The following WFIKKN1 variants were observed in gnomAD, a reference collection of about 807,000 sequenced individuals.
The protein encoded by WFIKKN1 is WAP, follistatin/kazal, immunoglobulin, kunitz and netrin domain containing 1.
In WFIKKN1, 6 loss-of-function variants were observed where a neutral mutation model predicts 4.6. The ratio of observed to expected loss-of-function variants is 1.31; its 90% CI spans 0.72 to 2.59. WFIKKN1 has a LOEUF of 2.59. Among genes scored for constraint, WFIKKN1 ranks in the 30% most tolerant of loss-of-function variants. WFIKKN1 has a pLI of 0.00. For synonymous variants in WFIKKN1, 468 were observed against 367.4 expected (o/e 1.27, Z -3.13); for missense variants, 964 against 818.0 (o/e 1.18, Z -2.18).
Position 632,891 on chromosome 16 carries a change from C to T in WFIKKN1, c.481C>T (p.Leu161Phe). Residue 161 changes from leucine (L) to phenylalanine (F), a missense_variant, in exon 2 of 2, where the codon CTC (leucine) becomes TTC (phenylalanine). Coordinates refer to ENST00000319070, the MANE Select transcript of WFIKKN1 (RefSeq NM_053284.3). ...HLHIVPCKHV[L>F]SWPPSSPGPP... ...CCACATCGTGCCCTGCAAGCACGTG[C>T]TCAGCTGGCCGCCCAGCAGCCCGGG... 3 of 1,570,336 alleles carry T rather than the reference C, an allele frequency of 1.9e-6. No individual in the cohort carries two copies. Among genetic ancestry groups the T allele is most frequent in the Non-Finnish European group, 2.6e-6 (3 of 1,158,424 alleles).
intron 1 of WFIKKN1, chr16:631,625 C>A: frequency 2.1e-6 from 1 of 467,050 alleles, no homozygotes; most frequent in Non-Finnish European, 3.2e-6. Flanking sequence ...CTTTCATGCT[C>A]CCCATGTGCC....
In WFIKKN1 at chr16:633,225, T is replaced by A; in HGVS notation, c.815T>A (p.Leu272Gln). The change falls in exon 2 of 2, where the codon CTG (leucine) becomes CAG (glutamine). Residue 272 changes from leucine to glutamine, a missense_variant. By Grantham distance (113) the Leu-to-Gln change is moderately radical. Transcript: ENST00000319070. ...ACCGCGCGCAACGCTGCTGGGCTGC[T>A]GCGGGCTGACTTCCCACTCTCTGTG... ...TCTARNAAGL[L>Q]RADFPLSVVQ... The A allele has an allele frequency of 1.3e-6, 2 of 1,586,952 alleles. No homozygotes were observed. The highest frequency in any genetic ancestry group is 1.7e-6 in the Non-Finnish European group (2 of 1,167,356).
Position 633,814 on chromosome 16 carries a change from G to T in WFIKKN1, c.1404G>T (p.Met468Ile), listed in dbSNP as rs772300719. The T allele has an allele frequency of 3.1e-6, 5 of 1,603,258 alleles. No homozygotes were observed. The Admixed American group carries it at 6.8e-5, about 22-fold the overall frequency. The part of the protein sequence containing the change: ...ALEDVLKDDK[M>I]GLKFLGTKYL... Reference sequence around the variant, plus strand: ...AGGACGTGCTCAAGGATGACAAGATGGGCCTCAAGTTCTTGGGCACCAAGT... The same window carrying T: ...AGGACGTGCTCAAGGATGACAAGATTGGCCTCAAGTTCTTGGGCACCAAGT... The change falls in exon 2 of 2, where the codon ATG becomes ATT. Residue 468 changes from methionine (M) to isoleucine (I), a missense_variant. Coordinates refer to ENST00000319070, the MANE Select transcript of WFIKKN1 (RefSeq NM_053284.3).
Position 633,876 on chromosome 16 carries a change from G to T in WFIKKN1, c.1466G>T (p.Cys489Phe). The change falls in exon 2 of 2, where the codon TGC becomes TTC. Residue 489 changes from cysteine to phenylalanine, a missense_variant. By Grantham distance (205) the Cys-to-Phe change is radical (BLOSUM62 -2). Coordinates refer to ENST00000319070, the MANE Select transcript of WFIKKN1 (RefSeq NM_053284.3). ...EVTLSGMDWA[C>F]PCPNMTAGDG... ...ACGCTGAGTGGCATGGACTGGGCCT[G>T]CCCCTGCCCCAACATGACGGCGGGC... The T allele has an allele frequency of 6.3e-7, 1 of 1,595,496 alleles. No homozygotes were observed. The highest frequency in any genetic ancestry group is 8.5e-7 in the Non-Finnish European group (1 of 1,171,878).
In WFIKKN1 at chr16:633,745, G is replaced by A. The variant is rs2036988164; in HGVS notation, c.1335G>A (p.Leu445=). The A allele has an allele frequency of 6.3e-7, 1 of 1,591,478 alleles. No homozygotes were observed. Among genetic ancestry groups the A allele is most frequent in the Non-Finnish European group, 8.5e-7 (1 of 1,169,710 alleles). The change falls in exon 2 of 2, where the codon CTG becomes CTA. Residue 445 remains leucine, a synonymous_variant. Transcript: ENST00000319070. ...FAIVGRLTEV[L]EEPEAAGGIA... is the part of the protein sequence containing the mutation. Reference sequence around the variant, plus strand: ...TCGTGGGGCGGCTCACGGAGGTGCTGGAGGAGCCCGAGGCCGCCGGCGGCA... The same window carrying A: ...TCGTGGGGCGGCTCACGGAGGTGCTAGAGGAGCCCGAGGCCGCCGGCGGCA...
rs867006796 is a variant in WFIKKN1 at position 631,128 on chromosome 16, C to G, written c.-126C>G. On this transcript the variant is annotated 5_prime_UTR_variant, in exon 1 of 2. Transcript: ENST00000319070. ...TTCAGCCTCAGGGGCAAAAGGGAGC[C>G]CCGGGGTCCTGGTGGGGGCACCGAC... 1 of 1,143,044 alleles carries G rather than the reference C, an allele frequency of 8.7e-7. No homozygotes were observed. The highest frequency in any genetic ancestry group is 2.8e-5 in the East Asian group (1 of 35,982). 70.8% of individuals were successfully genotyped at this position (1,143,044 alleles called of 1,614,324 possible). A position where few individuals can be genotyped will look rare whatever the true frequency, so the allele number is the denominator to read the frequency against.
Position 633,898 on chromosome 16 carries a change from G to A in WFIKKN1, c.1488G>A (p.Ala496=), listed in dbSNP as rs749068731. Residue 496 remains alanine, a synonymous_variant, in exon 2 of 2, where the codon GCG becomes GCA. Coordinates refer to ENST00000319070, the MANE Select transcript of WFIKKN1 (RefSeq NM_053284.3). ...DWACPCPNMT[A]GDGPLVIMGE... is the part of the protein sequence containing the mutation. Reference sequence around the variant, plus strand: ...CCTGCCCCTGCCCCAACATGACGGCGGGCGACGGGCCGCTGGTCATCATGG... The same window carrying A: ...CCTGCCCCTGCCCCAACATGACGGCAGGCGACGGGCCGCTGGTCATCATGG... The A allele has an allele frequency of 6.3e-6, 10 of 1,593,444 alleles. No individual in the cohort carries two copies. In the East Asian group the frequency reaches 9.2e-5, roughly 15 times the overall value.
chr16:633,217 T>G lies in WFIKKN1; in HGVS notation c.807T>G (p.Ala269=). The change falls in exon 2 of 2, where the codon GCT becomes GCG. Residue 269 remains alanine (A), a synonymous_variant. Coordinates refer to ENST00000319070, the MANE Select transcript of WFIKKN1 (RefSeq NM_053284.3). The part of the protein sequence containing the change: ...GLYTCTARNA[A]GLLRADFPLS... ...ACACCTGCACCGCGCGCAACGCTGC[T>G]GGGCTGCTGCGGGCTGACTTCCCAC... 1.3e-6 allele frequency: 2 copies of G among 1,589,020 alleles called. No individual in the cohort carries two copies. The highest frequency in any genetic ancestry group is 4.6e-5 in the East Asian group (2 of 43,518).
chr16:633,728 C>T lies in WFIKKN1; in HGVS notation c.1318C>T (p.Arg440Trp), dbSNP rs747716027. 5.0e-6 allele frequency: 8 copies of T among 1,587,616 alleles called. No individual in the cohort carries two copies. In the East Asian group the frequency reaches 1.6e-4, roughly 32 times the overall value. The change falls in exon 2 of 2, where the codon CGG becomes TGG. Residue 440 changes from arginine (R) to tryptophan (W), a missense_variant. Transcript: ENST00000319070. The stretch of plus-strand genomic sequence containing the variant: ...CCGCAGCGACTTCGCCATCGTGGGG[C>T]GGCTCACGGAGGTGCTGGAGGAGCC... Reference protein sequence around the residue: ...LCRSDFAIVGRLTEVLEEPEA... With the variant: ...LCRSDFAIVGWLTEVLEEPEA...
chr16:631,379 G>T lies in WFIKKN1; in HGVS notation c.126G>T (p.Trp42Cys). ...VCPNQLSPNL[W>C]VDAQSTCERE... ...CCAACCAGCTCAGCCCCAACCTGTG[G>T]GTGGACGCCCAGAGCACCTGTGAGC... The change falls in exon 1 of 2, where the codon TGG (tryptophan) becomes TGT (cysteine). Residue 42 changes from tryptophan (W) to cysteine (C), a missense_variant. Coordinates refer to ENST00000319070, the MANE Select transcript of WFIKKN1 (RefSeq NM_053284.3). 6.2e-7 allele frequency: 1 copy of T among 1,609,336 alleles called. No individual in the cohort carries two copies. The highest frequency in any genetic ancestry group is 2.2e-5 in the East Asian group (1 of 44,796).
At position 633,516 on chromosome 16, in the gene WFIKKN1, G is replaced by A. The variant is rs1040764831; in HGVS notation, c.1106G>A (p.Arg369Gln). ...CVLPAVQGPCRGWEPRWAYSP... is the reference protein window; with the variant it reads ...CVLPAVQGPCQGWEPRWAYSP... ...CTGCCTGCCGTGCAGGGCCCCTGCC[G>A]GGGCTGGGAGCCGCGCTGGGCCTAC... The change falls in exon 2 of 2, where the codon CGG (arginine) becomes CAG (glutamine). Residue 369 changes from arginine (R) to glutamine (Q), a missense_variant. By Grantham distance (43) the Arg-to-Gln change is conservative. Transcript: ENST00000319070. 2.0e-6 allele frequency: 3 copies of A among 1,506,804 alleles called. No homozygotes were observed. The highest frequency in any genetic ancestry group is 2.6e-6 in the Non-Finnish European group (3 of 1,137,866). 93.3% of individuals were successfully genotyped at this position (1,506,804 alleles called of 1,614,324 possible).
Position 633,824 on chromosome 16 carries a change from T to G in WFIKKN1, c.1414T>G (p.Phe472Val). 6.2e-7 allele frequency: 1 copy of G among 1,603,020 alleles called. No homozygotes were observed. Among genetic ancestry groups the G allele is most frequent in the Non-Finnish European group, 8.5e-7 (1 of 1,175,314 alleles). Reference protein sequence around the residue: ...VLKDDKMGLKFLGTKYLEVTL... With the variant: ...VLKDDKMGLKVLGTKYLEVTL... ...CAAGGATGACAAGATGGGCCTCAAG[T>G]TCTTGGGCACCAAGTACCTGGAGGT... The change falls in exon 2 of 2, where the codon TTC (phenylalanine) becomes GTC (valine). Residue 472 changes from phenylalanine to valine, a missense_variant. By Grantham distance (50) the Phe-to-Val change is conservative. Coordinates refer to ENST00000319070, the MANE Select transcript of WFIKKN1 (RefSeq NM_053284.3).
At chr16:632,452 G>A (rs1346870693) in intron 1 of WFIKKN1, 130 bp from the exon 2 acceptor site, 8 of 1,201,802 alleles carry the variant, frequency 6.7e-6, no homozygotes, top group Non-Finnish European at 8.8e-6. Context: ...AGGACACTGA[G>A]TCCCCGGGGA....
rs771102109 is a variant in WFIKKN1 at position 633,290 on chromosome 16, C to G, written c.880C>G (p.Pro294Ala). 6.3e-7 allele frequency: 1 copy of G among 1,586,232 alleles called. No homozygotes were observed. The highest frequency in any genetic ancestry group is 1.7e-5 in the Admixed American group (1 of 57,574). The change falls in exon 2 of 2, where the codon CCA becomes GCA. Residue 294 changes from proline to alanine, a missense_variant. Physicochemically the swap from Pro to Ala is conservative, Grantham distance 27. Transcript: ENST00000319070. Reference protein sequence around the residue: ...EPARDAAPSIPAPAECLPDVQ... With the variant: ...EPARDAAPSIAAPAECLPDVQ... ...GGCCAGGGACGCAGCCCCCAGCATCCCAGCCCCGGCCGAGTGCCTGCCGGA... is the reference window on the plus strand; with the variant it reads ...GGCCAGGGACGCAGCCCCCAGCATCGCAGCCCCGGCCGAGTGCCTGCCGGA...
rs751699283 is a variant in WFIKKN1, at chr16:632,964, C to T, written c.554C>T (p.Pro185Leu). 1 of 1,582,414 alleles carries T rather than the reference C, an allele frequency of 6.3e-7. No homozygotes were observed. The highest frequency in any genetic ancestry group is 8.6e-7 in the Non-Finnish European group (1 of 1,163,100). ...CCCACACCTGGGGCCGCGCCCGTGC[C>T]TCCTGCCCTGTACAGCAGCCCCTCC... ...ARPTPGAAPV[P>L]PALYSSPSPQ... The change falls in exon 2 of 2, where the codon CCT becomes CTT. Residue 185 changes from proline (P) to leucine (L), a missense_variant. Transcript: ENST00000319070.
chr16:632,348 G>A (rs987725933), intron 1 of WFIKKN1: 5 of 478,786 alleles, frequency 1.0e-5, no homozygotes, highest in African/African-American at 8.1e-5. Context: ...TCTGTACAAC[G>A]TAAAGAATAA....
intron 1 of WFIKKN1, chr16:631,669 C>A (rs1160196139): frequency 1.3e-5 from 5 of 376,750 alleles, no homozygotes; most frequent in Non-Finnish European, 2.3e-5. Context: ...TCGGCGACCA[C>A]CCCCACCCCG....
At position 633,117 on chromosome 16, in the gene WFIKKN1, TGTATGGCA is replaced by T. The variant is rs2036974323; in HGVS notation, c.708_715del (p.Met236IlefsTer37). Reference sequence around the variant, plus strand: ...AACCTGATCATGCGCCCTGATCAGATGTATGGCAACGTGGTGGTCACCAGCATCGGGCA... The same window carrying T: ...AACCTGATCATGCGCCCTGATCAGATACGTGGTGGTCACCAGCATCGGGCA... On this transcript the variant is annotated frameshift_variant, in exon 2 of 2. Coordinates refer to ENST00000319070, the MANE Select transcript of WFIKKN1 (RefSeq NM_053284.3). LOFTEE classifies it low-confidence loss of function (END_TRUNC). 2 of 1,609,434 alleles carry T rather than the reference TGTATGGCA, an allele frequency of 1.2e-6. No homozygotes were observed. The highest frequency in any genetic ancestry group is 2.7e-5 in the African/African-American group (2 of 74,850).
intron 1 of WFIKKN1, chr16:631,661 G>A (rs182619997): frequency 1.5e-5 from 6 of 391,012 alleles, no homozygotes; most frequent in Admixed American, 4.7e-5. Context: ...CATCATCCTC[G>A]GCGACCACCC....
Sources: gnomAD v4.1 joint callset for allele counts on GRCh38, gnomAD v4.1.1 for gene constraint, MANE v1.5 for transcripts, NCBI Gene and HGNC (gene_info 2026-07-23, HGNC 2026-07-21) for gene names.